Variants in SATB2 observed in about 807,000 individuals in gnomAD.
SATB2 encodes DNA-binding protein SATB2.
In SATB2, 1 loss-of-function variant was observed where a neutral mutation model predicts 73.4. The observed-to-expected ratio is 0.01, with a 90% CI of 0.00 to 0.06. The LOEUF (loss-of-function observed/expected upper bound fraction) is 0.06, where lower values mean the gene tolerates loss of function less well. Ranked by LOEUF, SATB2 falls within the 10% of genes least tolerant of loss-of-function variation. SATB2 has a pLI of 1.00. For missense variants in SATB2, 459 were observed against 945.8 expected (o/e 0.49, Z 6.75); for synonymous variants, 397 against 367.0 (o/e 1.08, Z -0.93).
chr2:199,358,979 G>T (rs1689063956), intron 6 of SATB2, among the ~76,000 whole-genome samples: 1 of 152,052 alleles, frequency 6.6e-6, no homozygotes, highest in Non-Finnish European at 1.5e-5. Context: ...GGTTAAAACT[G>T]CTTATATCTA....
chr2:199,469,088 C>T (rs1269720999), upstream of SATB2, among the ~76,000 whole-genome samples: 2 of 152,144 alleles, frequency 1.3e-5, no homozygotes, highest in Non-Finnish European at 2.9e-5. Flanking sequence ...CGAGAAAGGG[C>T]CCACATCTCG....
At chr2:199,459,225 G>T (rs1307519342), upstream of SATB2, among the ~76,000 whole-genome samples, 1 of 152,000 alleles carries the variant, frequency 6.6e-6, no homozygotes, top group Non-Finnish European at 1.5e-5. This position sits in a 1 kb window ranked among gnomAD's most constrained non-coding sequence, Gnocchi z 4.2. Context: ...GCTGTGCCCT[G>T]AGGACCCGGC....
chr2:199,329,707 G>T (rs925399743), intron 7 of SATB2, among the ~76,000 whole-genome samples: 1 of 152,130 alleles, frequency 6.6e-6, no homozygotes, highest in Non-Finnish European at 1.5e-5. Context: ...CAAATAGAAA[G>T]ATTTAAATAG....
At chr2:199,327,269 A>C (rs1574509161) in intron 8 of SATB2, among the ~76,000 whole-genome samples, 1 of 152,048 alleles carries the variant, frequency 6.6e-6, no homozygotes, top group East Asian at 1.9e-4. Context: ...GTGAAACCCA[A>C]CCTCTACTAA....
rs542436914 is a variant in SATB2, at chr2:199,390,622, A to G, written c.347-8802T>C. On this transcript the variant is annotated intron_variant, in intron 3 of 10. Coordinates refer to ENST00000417098, the MANE Select transcript of SATB2 (RefSeq NM_001172509.2). ...AACATACTTTGCTACATTCTAGCAG[A>G]TGCTATTCATAACTTATGTTTAGCC... is the stretch of plus-strand genomic sequence containing the variant. Among the ~76,000 whole-genome samples, 9 of 152,336 alleles carry G rather than the reference A, an allele frequency of 5.9e-5. No individual in the cohort carries two copies. In the South Asian group the frequency reaches 6.2e-4, roughly 11 times the overall value.
intron 7 of SATB2, among the ~76,000 whole-genome samples, chr2:199,344,033 G>A (rs944821549): frequency 2.7e-4 from 41 of 152,132 alleles, no homozygotes; most frequent in African/African-American, 8.4e-4. Context: ...CGCCAATATG[G>A]TCTGTCTTTG....
intron 7 of SATB2, among the ~76,000 whole-genome samples, chr2:199,344,037 G>C (rs771609507): frequency 3.9e-5 from 6 of 152,174 alleles, no homozygotes; most frequent in Non-Finnish European, 7.3e-5. Context: ...AATATGGTCT[G>C]TCTTTGTTTT....
At chr2:199,380,299 C>T (rs181937235) in intron 5 of SATB2, 65 bp downstream of exon 5, 7 of 1,596,648 alleles carry the variant, frequency 4.4e-6, no homozygotes, top group Non-Finnish European at 6.0e-6. Flanking sequence ...GCAGAAGGAA[C>T]CCCCTGATAG....
At chr2:199,389,770 AGATT>A (rs1358526783) in intron 3 of SATB2, among the ~76,000 whole-genome samples, 1 of 152,184 alleles carries the variant, frequency 6.6e-6, no homozygotes, top group Non-Finnish European at 1.5e-5. Flanking sequence ...ATTATCAAGA[AGATT>A]ATTATTTAAA....
intron 6 of SATB2, among the ~76,000 whole-genome samples, chr2:199,350,615 T>C (rs150358711): frequency 6.6e-6 from 1 of 152,208 alleles, no homozygotes; most frequent in Non-Finnish European, 1.5e-5. Context: ...CTATTTTATA[T>C]CCATGTCTAC....
intron 3 of SATB2, among the ~76,000 whole-genome samples, chr2:199,421,835 A>T (rs1691179930): frequency 6.6e-6 from 1 of 152,224 alleles, no homozygotes; most frequent in Non-Finnish European, 1.5e-5. Flanking sequence ...TAATGTCAAA[A>T]AAGTTTTTGT....
chr2:199,337,768 T>C (rs1352652097), intron 7 of SATB2, among the ~76,000 whole-genome samples: 1 of 152,220 alleles, frequency 6.6e-6, no homozygotes, highest in Non-Finnish European at 1.5e-5. Flanking sequence ...TTCAAATTGA[T>C]AACAATTATA....
intron 3 of SATB2, among the ~76,000 whole-genome samples, chr2:199,389,919 G>A (rs553299865): frequency 1.5e-4 from 22 of 151,530 alleles, no homozygotes; most frequent in Non-Finnish European, 2.8e-4. Flanking sequence ...GTACCATTTG[G>A]TGCCTTGTAA....
Position 199,308,651 on chromosome 2 carries a change from G to T in SATB2, c.1740+109C>A. 1.1e-6 allele frequency: 1 copy of T among 890,744 alleles called. No homozygotes were observed. The highest frequency in any genetic ancestry group is 2.4e-5 in the East Asian group (1 of 41,426). 55.2% of individuals were successfully genotyped at this position (890,744 alleles called of 1,614,324 possible). On this transcript the variant is annotated intron_variant, in intron 10 of 10. Transcript: ENST00000417098. The surrounding 1 kb of genome is among the most constrained non-coding windows in gnomAD (Gnocchi z 4.6). ...TTCTGTACTTGGGGACCTGGCATGA[G>T]ACACCCTCTGACAGAAGTTGGTGTG... is the stretch of plus-strand genomic sequence containing the variant.
At chr2:199,360,313 T>C (rs1174571136) in intron 6 of SATB2, among the ~76,000 whole-genome samples, 1 of 152,142 alleles carries the variant, frequency 6.6e-6, no homozygotes, top group Non-Finnish European at 1.5e-5. Context: ...TTTTTGAGTT[T>C]TTTTATTCTG....
intron 10 of SATB2, among the ~76,000 whole-genome samples, chr2:199,291,863 A>G (rs1369181005): frequency 6.6e-6 from 1 of 151,996 alleles, no homozygotes; most frequent in Non-Finnish European, 1.5e-5. Context: ...ATGAGCCAAG[A>G]TCACGCCACT....
intron 3 of SATB2, among the ~76,000 whole-genome samples, chr2:199,417,186 C>T (rs1472912597): frequency 4.0e-5 from 6 of 151,504 alleles, no homozygotes; most frequent in Admixed American, 2.0e-4. Context: ...TCATTTAGGC[C>T]AGGTAAAAGT....
At chr2:199,373,545 G>A (rs2105856535) in intron 5 of SATB2, among the ~76,000 whole-genome samples, 1 of 152,174 alleles carries the variant, frequency 6.6e-6, no homozygotes, top group Non-Finnish European at 1.5e-5. Context: ...CCCCTAAGCT[G>A]TTGCTGAATG....
intron 3 of SATB2, among the ~76,000 whole-genome samples, chr2:199,406,564 T>G (rs1488400768): frequency 6.6e-6 from 1 of 152,198 alleles, no homozygotes; most frequent in Admixed American, 6.5e-5. Context: ...GTCATCTGGC[T>G]TATAGTACTC....
Sources: gnomAD v4.1 joint callset for allele counts (sites outside exome capture counted in the v4.1 genomes callset) on GRCh38, gnomAD v4.1.1 for gene constraint, Gnocchi (gnomAD v3.1) non-coding constraint, MANE v1.5 for transcripts, NCBI Gene and HGNC (gene_info 2026-07-23, HGNC 2026-07-21) for gene names.